The following RFC1 variants were observed in gnomAD, a reference collection of about 807,000 sequenced individuals.
RFC1 encodes replication factor C subunit 1.
Under a neutral mutation model 137.4 loss-of-function variants are expected in RFC1, and 37 were observed. The ratio of observed to expected loss-of-function variants is 0.27; its 90% CI spans 0.21 to 0.35. RFC1 has a LOEUF of 0.35. RFC1 is among the 10% of genes least tolerant of loss of function. The pLI is 1.00. For missense variants in RFC1, 1,205 were observed against 1,358.5 expected, an observed-to-expected ratio of 0.89 and a Z score of 1.78; for synonymous variants, 429 against 455.7, an observed-to-expected ratio of 0.94 and a Z score of 0.75.
At chr4:39,332,628 A>T (rs1050963261) in intron 4 of RFC1, among the ~76,000 whole-genome samples, 48 of 152,302 alleles carry the variant, frequency 3.2e-4, no homozygotes, top group Non-Finnish European at 5.6e-4. Context: ...GTTTTTCCTT[A>T]TATTAAGTCA....
chr4:39,305,837 G>A lies in RFC1; in HGVS notation c.1995+755C>T, dbSNP rs1326331823. Among the ~76,000 whole-genome samples, 9 of 151,778 alleles carry A rather than the reference G, an allele frequency of 5.9e-5. 1 individual carries two copies. Among genetic ancestry groups the A allele is most frequent in the Admixed American group, 5.9e-4 (9 of 15,236 alleles). On this transcript the variant is annotated intron_variant, in intron 14 of 24. Coordinates refer to ENST00000349703, the MANE Select transcript of RFC1 (RefSeq NM_002913.5). ...AAAAGAGTTGTGTTCACAACTGTAG[G>A]GACTAGGAAAAAAATGTTGTTTTGC... is the stretch of plus-strand genomic sequence containing the variant.
chr4:39,316,843 CA>C, intron 10 of RFC1, 71 bp downstream of exon 10: 1 of 851,204 alleles, frequency 1.2e-6, no homozygotes, highest in Non-Finnish European at 1.9e-6. Context: ...CTGCTATAAT[CA>C]TCGTGAATAC....
At chr4:39,365,351 C>A in intron 1 of RFC1, 5 of 487,218 alleles carry the variant, frequency 1.0e-5, no homozygotes, top group Non-Finnish European at 1.3e-5. Flanking sequence ...GACACGTTGA[C>A]CAATGATTGA....
chr4:39,300,516 T>C, intron 19 of RFC1, 102 bp from the exon 20 acceptor site: 1 of 856,142 alleles, frequency 1.2e-6, no homozygotes, highest in East Asian at 2.5e-5. Context: ...TTCCATTCAT[T>C]GCTGGTGGGA....
intron 19 of RFC1, among the ~76,000 whole-genome samples, chr4:39,301,602 C>G (rs892891568): frequency 1.3e-5 from 2 of 152,146 alleles, no homozygotes; most frequent in Non-Finnish European, 2.9e-5. Context: ...GCATGGATCA[C>G]CATGTTGGCC....
At chr4:39,292,002 G>C in intron 22 of RFC1, 150 bp from the exon 23 acceptor site, 1 of 639,702 alleles carries the variant, frequency 1.6e-6, no homozygotes, top group Non-Finnish European at 2.8e-6. Context: ...AGCTGGTGTA[G>C]TTTAGAAAGC....
chr4:39,301,912 C>A (rs1738380532), intron 19 of RFC1, among the ~76,000 whole-genome samples: 1 of 152,168 alleles, frequency 6.6e-6, no homozygotes, highest in Non-Finnish European at 1.5e-5. Context: ...CTGATACATA[C>A]CTCTAGTTTC....
At chr4:39,336,906 G>T (rs1740379888) in intron 4 of RFC1, among the ~76,000 whole-genome samples, 1 of 152,146 alleles carries the variant, frequency 6.6e-6, no homozygotes, top group Non-Finnish European at 1.5e-5. Flanking sequence ...GTCCCTTAAT[G>T]CTAAACAATT....
intron 14 of RFC1, 60 bp from the exon 15 acceptor site, chr4:39,304,988 C>G (rs1738565365): frequency 1.1e-6 from 1 of 913,674 alleles, no homozygotes; most frequent in Non-Finnish European, 1.8e-6. Flanking sequence ...CCACCCCCGC[C>G]AAGAAAGGCC....
intron 3 of RFC1, among the ~76,000 whole-genome samples, chr4:39,343,520 C>T (rs1422429422): frequency 6.6e-6 from 1 of 152,156 alleles, no homozygotes; most frequent in African/African-American, 2.4e-5. Flanking sequence ...GTGTGAGTAC[C>T]TGGCACAGTG....
chr4:39,308,760 C>T lies in RFC1; in HGVS notation c.1761G>A (p.Val587=). 1.2e-6 allele frequency: 2 copies of T among 1,614,154 alleles called. No individual in the cohort carries two copies. The highest frequency in any genetic ancestry group is 1.7e-6 in the Non-Finnish European group (2 of 1,180,028). The part of the protein sequence containing the change: ...SENKVENLLW[V]DKYKPTSLKT... ...TGAGCGAGGTTGGCTTATATTTATCCACCCAGAGCAAATTTTCCACTTTGT... is the reference window on the plus strand; with the variant it reads ...TGAGCGAGGTTGGCTTATATTTATCTACCCAGAGCAAATTTTCCACTTTGT... The change falls in exon 13 of 25, where the codon GTG becomes GTA. Residue 587 remains valine, a synonymous_variant. Transcript: ENST00000349703.
intron 21 of RFC1, among the ~76,000 whole-genome samples, chr4:39,298,307 C>CAAAAAAAAAA (rs55727769): frequency 3.6e-5 from 4 of 111,212 alleles, no homozygotes; most frequent in African/African-American, 1.3e-4. Context: ...GACCTTGTCT[C>CAAAAAAAAAA]AAAAAAAAAA....
intron 10 of RFC1, among the ~76,000 whole-genome samples, chr4:39,314,808 T>C (rs1028095612): frequency 6.6e-6 from 1 of 152,160 alleles, no homozygotes; most frequent in Non-Finnish European, 1.5e-5. Flanking sequence ...AAATTAAATT[T>C]ATACATATAT....
At chr4:39,294,327 C>T (rs912668834) in intron 22 of RFC1, among the ~76,000 whole-genome samples, 9 of 152,184 alleles carry the variant, frequency 5.9e-5, no homozygotes, top group African/African-American at 1.4e-4. Flanking sequence ...ATTAATATTC[C>T]TTCCAGGGAC....
Position 39,308,991 on chromosome 4 carries a change from A to T in RFC1, c.1530T>A (p.Asn510Lys), listed in dbSNP as rs777001359. The T allele has an allele frequency of 3.1e-6, 5 of 1,611,350 alleles. No individual in the cohort carries two copies. Among genetic ancestry groups the T allele is most frequent in the Non-Finnish European group, 3.4e-6 (4 of 1,179,572 alleles). The change falls in exon 13 of 25, where the codon AAT becomes AAA. Residue 510 changes from asparagine to lysine, a missense_variant. Asn to Lys is a moderately conservative substitution (Grantham distance 94). Around this residue, in one of 3 missense-constraint regions of RFC1, gnomAD observed 962 missense variants for 1,035.3 expected, o/e 0.93. Transcript: ENST00000349703. ...ESKLERTPQK[N>K]VQGKRKISPS... Reference sequence around the variant, plus strand: ...GACTAATTTTTCTTTTTCCTTGGACATTTTTTTGGGGTGTTCTCTCCAGTT... The same window carrying T: ...GACTAATTTTTCTTTTTCCTTGGACTTTTTTTTGGGGTGTTCTCTCCAGTT...
chr4:39,320,349 C>CAAAAAA (rs56374926), intron 9 of RFC1, 34 bp downstream of exon 9: 4 of 1,119,682 alleles, frequency 3.6e-6, no homozygotes, highest in African/African-American at 4.3e-5. Context: ...AACTCCATCT[C>CAAAAAA]AAAAAAAAAA....
intron 4 of RFC1, among the ~76,000 whole-genome samples, chr4:39,329,399 G>A (rs1739972543): frequency 6.6e-6 from 1 of 151,744 alleles, no homozygotes; most frequent in South Asian, 2.1e-4. Context: ...AGACCAGCCT[G>A]GTCAACATGG....
In RFC1 at chr4:39,306,714, AAG is replaced by A. The variant is rs1488289697; in HGVS notation, c.1886-15_1886-14del. 1 of 1,535,882 alleles carries A rather than the reference AAG, an allele frequency of 6.5e-7. No homozygotes were observed. Among genetic ancestry groups the A allele is most frequent in the South Asian group, 1.1e-5 (1 of 89,226 alleles). On this transcript the variant is annotated splice_polypyrimidine_tract_variant and intron_variant, in intron 13 of 24. Transcript: ENST00000349703. Reference sequence around the variant, plus strand: ...TTACCAAACTTTGCTGCTAGGAAAAAAGAAGTTCCAGAGTGTCAACCTATATC... The same window carrying A: ...TTACCAAACTTTGCTGCTAGGAAAAAAAGTTCCAGAGTGTCAACCTATATC...
chr4:39,358,822 C>T (rs956646707), intron 1 of RFC1, among the ~76,000 whole-genome samples: 4 of 152,164 alleles, frequency 2.6e-5, no homozygotes, highest in Admixed American at 2.0e-4. Context: ...GTCAAAACTC[C>T]GGAACCACAC....
Sources: gnomAD v4.1 joint callset for allele counts (sites outside exome capture counted in the v4.1 genomes callset) on GRCh38, gnomAD v4.1.1 for gene constraint, gnomAD v4.1.1 regional missense constraint, MANE v1.5 for transcripts, NCBI Gene and HGNC (gene_info 2026-07-23, HGNC 2026-07-21) for gene names.